The following RSRC2 variants were observed in gnomAD, a reference collection of about 807,000 sequenced individuals.
RSRC2 encodes arginine/serine-rich coiled-coil protein 2.
Under a neutral mutation model 61.3 loss-of-function variants are expected in RSRC2, and 5 were observed. The ratio of observed to expected loss-of-function variants is 0.08; its 90% CI spans 0.04 to 0.17. The LOEUF is 0.17. Ranked by LOEUF, RSRC2 falls within the 10% of genes least tolerant of loss-of-function variation. The pLI is 1.00. For missense variants in RSRC2, 381 were observed against 518.8 expected, an observed-to-expected ratio of 0.73 and a Z score of 2.58; for synonymous variants, 202 against 166.5, an observed-to-expected ratio of 1.21 and a Z score of -1.64.
At chr12:122,506,561 GA>G in intron 9 of RSRC2, 1 of 317,014 alleles carries the variant, frequency 3.2e-6, no homozygotes, top group Non-Finnish European at 5.8e-6. Flanking sequence ...AGTGAGGTAT[GA>G]CTGCACCACT....
At chr12:122,518,126 G>A (rs866415007) in intron 4 of RSRC2, among the ~76,000 whole-genome samples, 3 of 151,900 alleles carry the variant, frequency 2.0e-5, no homozygotes, top group African/African-American at 4.8e-5. Flanking sequence ...GCCAAAACCC[G>A]TCTCTACAAA....
In RSRC2 at chr12:122,509,525, G is replaced by A. The variant is rs1958341005; in HGVS notation, c.806-1078C>T. On this transcript the variant is annotated intron_variant, in intron 7 of 9. Transcript: ENST00000331738. Reference sequence around the variant, plus strand: ...TATGCAGGTATTATGCTAAGTCCAAGTTCAATAAAGCCCTGGTATTTCCAC... The same window carrying A: ...TATGCAGGTATTATGCTAAGTCCAAATTCAATAAAGCCCTGGTATTTCCAC... 2.6e-5 allele frequency among the ~76,000 whole-genome samples: 4 copies of A among 151,372 alleles called. No homozygotes were observed. In the South Asian group the frequency reaches 8.3e-4, roughly 31 times the overall value.
chr12:122,518,915 C>T lies in RSRC2; in HGVS notation c.322G>A (p.Gly108Ser), dbSNP rs1367003171. ...GRERLNSSENGEDRHKRKERK... is the reference protein window; with the variant it reads ...GRERLNSSENSEDRHKRKERK... ...TCTTTGCGTTTGTGCCTGTCCTCAC[C>T]ATTTTCAGATGAATTTAGTCGCTCT... Residue 108 changes from glycine to serine, a missense_variant, in exon 4 of 10, where the codon GGT becomes AGT. By Grantham distance (56) the Gly-to-Ser change is moderately conservative (BLOSUM62 0). Coordinates refer to ENST00000331738, the MANE Select transcript of RSRC2 (RefSeq NM_023012.6). 1.2e-6 allele frequency: 2 copies of T among 1,613,992 alleles called. No individual in the cohort carries two copies. The highest frequency in any genetic ancestry group is 1.3e-5 in the African/African-American group (1 of 74,922).
intron 3 of RSRC2, chr12:122,519,248 T>C (rs2137525626): frequency 2.0e-6 from 1 of 490,504 alleles, no homozygotes; most frequent in Non-Finnish European, 3.7e-6. Context: ...CCAAAATATT[T>C]TCAATACAAC....
chr12:122,525,801 GTTTTTTTTTTTTTTTTTTTTTT>G lies in RSRC2; in HGVS notation c.6+1025_6+1046del, dbSNP rs1169838098. Reference sequence around the variant, plus strand: ...GTAGCTCCTCTGGGGTCAACGAAGAGTTTTTTTTTTTTTTTTTTTTTTTTTTTTTTTTTTTTTTGAGACGGAG... The same window carrying G: ...GTAGCTCCTCTGGGGTCAACGAAGAGTTTTTTTTTTTTTTTTGAGACGGAG... On this transcript the variant is annotated intron_variant, in intron 1 of 9. Coordinates refer to ENST00000331738, the MANE Select transcript of RSRC2 (RefSeq NM_023012.6). Among the ~76,000 whole-genome samples, 42 of 21,502 alleles carry G rather than the reference GTTTTTTTTTTTTTTTTTTTTTT, an allele frequency of 2.0e-3. 15 individuals are homozygous for G. The Middle Eastern group carries it at 0.062, about 32-fold the overall frequency. 14.1% of individuals were successfully genotyped at this position (21,502 alleles called of 152,430 possible).
intron 6 of RSRC2, among the ~76,000 whole-genome samples, chr12:122,513,237 AAAT>A (rs760404387): frequency 0.018 from 988 of 54,306 alleles, 9 homozygotes; most frequent in African/African-American, 0.039. Context: ...ATAAATAAAT[AAAT>A]AAATAAAATA....
At chr12:122,506,580 A>G (rs1958128902) in intron 9 of RSRC2, 1 of 383,904 alleles carries the variant, frequency 2.6e-6, no homozygotes, top group Non-Finnish European at 4.7e-6. Context: ...ACTGTACTCC[A>G]GCCCAAGTGA....
intron 5 of RSRC2, 113 bp from the exon 6 acceptor site, chr12:122,515,340 G>T: frequency 9.3e-7 from 1 of 1,072,864 alleles, no homozygotes; most frequent in Non-Finnish European, 1.3e-6. Context: ...CATTTAGTTT[G>T]AGATGCAAAA....
At chr12:122,517,543 C>G in intron 4 of RSRC2, 113 bp from the exon 5 acceptor site, 12 of 1,227,586 alleles carry the variant, frequency 9.8e-6, no homozygotes, top group African/African-American at 1.5e-5. Flanking sequence ...AGTAACTGCA[C>G]TATATTATTT....
In RSRC2 at chr12:122,505,535, C is replaced by T. The variant is rs755329657; in HGVS notation, c.1297G>A (p.Ala433Thr). 5 of 1,613,478 alleles carry T rather than the reference C, an allele frequency of 3.1e-6. No homozygotes were observed. In the South Asian group the frequency reaches 3.3e-5, roughly 11 times the overall value. The change falls in exon 10 of 10, where the codon GCA (alanine) becomes ACA (threonine). Residue 433 changes from alanine to threonine, a missense_variant. Transcript: ENST00000331738. ...GFTSSMRGMD[A>T]V ...TACAAGTGTGATCATTTTCAAACTG[C>T]ATCCATTCCTCGCATTGAAGATGTG...
intron 7 of RSRC2, among the ~76,000 whole-genome samples, chr12:122,508,975 A>G (rs1263831563): frequency 6.6e-6 from 1 of 152,036 alleles, no homozygotes; most frequent in African/African-American, 2.4e-5. Context: ...AAAAAAACCC[A>G]TTTATTTACT....
At chr12:122,513,597 A>G (rs1958693841) in intron 6 of RSRC2, among the ~76,000 whole-genome samples, 1 of 152,232 alleles carries the variant, frequency 6.6e-6, no homozygotes, top group South Asian at 2.1e-4. Flanking sequence ...TGTCAGAGTT[A>G]ATGAAATTAC....
intron 1 of RSRC2, among the ~76,000 whole-genome samples, chr12:122,524,462 C>A (rs987205685): frequency 3.9e-5 from 6 of 152,148 alleles, no homozygotes; most frequent in Non-Finnish European, 7.4e-5. Flanking sequence ...AGACTAGAAT[C>A]GAAAACAACC....
chr12:122,514,781 A>C (rs540917802), intron 6 of RSRC2: 2 of 1,030,322 alleles, frequency 1.9e-6, no homozygotes, highest in Middle Eastern at 2.5e-4. Flanking sequence ...TAGATGAGAA[A>C]ATAATAGTTC....
chr12:122,517,715 G>T (rs1417996976), intron 4 of RSRC2, among the ~76,000 whole-genome samples: 1 of 151,986 alleles, frequency 6.6e-6, no homozygotes, highest in African/African-American at 2.4e-5. Context: ...TCCCACAGTA[G>T]TTACAAATCT....
chr12:122,511,233 C>T, intron 6 of RSRC2, 45 bp from the exon 7 acceptor site: 1 of 1,425,440 alleles, frequency 7.0e-7, no homozygotes, highest in Non-Finnish European at 9.7e-7. Context: ...CAATATAAAA[C>T]CATTATGTAT....
At chr12:122,510,072 T>C (rs2137438705) in intron 7 of RSRC2, among the ~76,000 whole-genome samples, 1 of 152,302 alleles carries the variant, frequency 6.6e-6, no homozygotes, top group East Asian at 1.9e-4. Flanking sequence ...CCCACCTGCC[T>C]TGGCCTCCCA....
chr12:122,526,475 C>A (rs1162007679), intron 1 of RSRC2, among the ~76,000 whole-genome samples: 1 of 152,078 alleles, frequency 6.6e-6, no homozygotes, highest in Non-Finnish European at 1.5e-5. Context: ...CACTCCTGAT[C>A]GTCTTTCTCT....
intron 5 of RSRC2, among the ~76,000 whole-genome samples, chr12:122,516,037 A>T (rs1958890531): frequency 6.6e-6 from 1 of 152,134 alleles, no homozygotes; most frequent in South Asian, 2.1e-4. Context: ...GCACTTAAAA[A>T]AAAATTTCTT....
Sources: gnomAD v4.1 joint callset for allele counts (sites outside exome capture counted in the v4.1 genomes callset) on GRCh38, gnomAD v4.1.1 for gene constraint, MANE v1.5 for transcripts, NCBI Gene and HGNC (gene_info 2026-07-23, HGNC 2026-07-21) for gene names.